MSH4: variants seen among roughly 807,000 people sequenced by gnomAD.
MSH4 encodes the protein mutS homolog 4, also known as mutS protein homolog 4.
In MSH4, 106 loss-of-function variants were observed where a neutral mutation model predicts 113.7. That is an observed-to-expected ratio of 0.93 (90% CI 0.80 to 1.10). The LOEUF is 1.10. MSH4 is among the 50% of genes least tolerant of loss of function. The pLI is 0.00. For synonymous variants in MSH4, 368 were observed against 380.2 expected (o/e 0.97, Z 0.37); for missense variants, 1,061 against 1,093.7 (o/e 0.97, Z 0.42).
At chr1:75,879,655 C>T (rs1357212924) in intron 12 of MSH4, among the ~76,000 whole-genome samples, 5 of 152,000 alleles carry the variant, frequency 3.3e-5, no homozygotes, top group Non-Finnish European at 5.9e-5. Context: ...AGCTTGAGTA[C>T]GATTAGAGAT....
In MSH4 at chr1:75,867,373, A is replaced by G. The variant is rs5745431; in HGVS notation, c.1231-141A>G. The G allele has an allele frequency of 5.8e-3, 3,287 of 562,168 alleles. 41 individuals are homozygous for G. Among genetic ancestry groups the G allele is most frequent in the Admixed American group, 0.043 (1,114 of 25,662 alleles). 34.8% of individuals were successfully genotyped at this position (562,168 alleles called of 1,614,324 possible). A position where few individuals can be genotyped will look rare whatever the true frequency, so the allele number is the denominator to read the frequency against. ...TATGGTGGGTCAATAATTTTGTATC[A>G]TTCTTTAGGCTTGCATTGCGGCTAG... On this transcript the variant is annotated intron_variant, in intron 8 of 19. Coordinates refer to ENST00000263187, the MANE Select transcript of MSH4 (RefSeq NM_002440.4).
intron 8 of MSH4, among the ~76,000 whole-genome samples, chr1:75,851,582 G>T (rs968727839): frequency 6.6e-6 from 1 of 151,864 alleles, no homozygotes; most frequent in Non-Finnish European, 1.5e-5. Flanking sequence ...GCTAACTTTG[G>T]TATTTTTAGT....
intron 7 of MSH4, among the ~76,000 whole-genome samples, chr1:75,829,739 G>A (rs1650640541): frequency 6.6e-6 from 1 of 152,102 alleles, no homozygotes; most frequent in Admixed American, 6.5e-5. Context: ...CTGATAGAAG[G>A]AAAACTAACA....
chr1:75,910,353 A>G (rs1034222041), intron 19 of MSH4, among the ~76,000 whole-genome samples: 8 of 151,752 alleles, frequency 5.3e-5, no homozygotes, highest in African/African-American at 1.9e-4. Context: ...GCTATGTGGA[A>G]TTATTCTCTC....
At chr1:75,898,663 C>T (rs1297663267) in intron 18 of MSH4, among the ~76,000 whole-genome samples, 4 of 151,966 alleles carry the variant, frequency 2.6e-5, no homozygotes, top group Non-Finnish European at 4.4e-5. Context: ...GGACTACAGG[C>T]GTGCACCACC....
rs143080785 is a variant in MSH4, at chr1:75,838,103, C to G, written c.1163-10106C>G. On this transcript the variant is annotated intron_variant, in intron 7 of 19. Transcript: ENST00000263187. ...TTAAAACAACACGAATGTATTATCT[C>G]ACAGTTCTGGAGGTCTGAAATCAGT... 7.1e-4 allele frequency among the ~76,000 whole-genome samples: 108 copies of G among 152,318 alleles called. 1 individual carries two copies. Among genetic ancestry groups the G allele is most frequent in the African/African-American group, 2.4e-3 (101 of 41,564 alleles).
intron 9 of MSH4, among the ~76,000 whole-genome samples, chr1:75,872,015 A>C (rs1651724840): frequency 6.6e-6 from 1 of 152,218 alleles, no homozygotes; most frequent in Non-Finnish European, 1.5e-5. Flanking sequence ...TTTAAGTACC[A>C]ATGTGATGTC....
intron 1 of MSH4, among the ~76,000 whole-genome samples, chr1:75,801,148 C>T (rs934661506): frequency 2.0e-5 from 3 of 152,132 alleles, no homozygotes; most frequent in East Asian, 3.9e-4. Context: ...GAAACATAGC[C>T]ATTCTCATTT....
chr1:75,895,239 GGA>G (rs1652345769), intron 17 of MSH4, among the ~76,000 whole-genome samples: 1 of 152,100 alleles, frequency 6.6e-6, no homozygotes, highest in Non-Finnish European at 1.5e-5. Flanking sequence ...AAGGGAAATT[GGA>G]CTACTACTCC....
chr1:75,862,915 G>C (rs1483688672), intron 8 of MSH4, among the ~76,000 whole-genome samples: 1 of 152,012 alleles, frequency 6.6e-6, no homozygotes, highest in South Asian at 2.1e-4. Context: ...TAAAAATAAA[G>C]CTTAAATTTC....
chr1:75,885,051 G>GTATATATATATATATATATATATATATA (rs1217705221), intron 15 of MSH4, among the ~76,000 whole-genome samples: 1 of 113,350 alleles, frequency 8.8e-6, no homozygotes, highest in African/African-American at 4.2e-5. Context: ...GTGTGTGTGT[G>GTATATATATATATATATATATATATATA]TGTGTGTGTA....
intron 7 of MSH4, among the ~76,000 whole-genome samples, chr1:75,845,170 C>T (rs1479486995): frequency 1.3e-5 from 2 of 152,210 alleles, no homozygotes; most frequent in Non-Finnish European, 2.9e-5. Flanking sequence ...TTTGGGGACA[C>T]ATTCAAACCA....
At chr1:75,841,817 T>C (rs975640587) in intron 7 of MSH4, among the ~76,000 whole-genome samples, 1 of 152,174 alleles carries the variant, frequency 6.6e-6, no homozygotes, top group Non-Finnish European at 1.5e-5. Flanking sequence ...TAGAATCACA[T>C]GTAAAATGTC....
intron 19 of MSH4, among the ~76,000 whole-genome samples, chr1:75,905,055 G>A (rs1232620582): frequency 6.6e-6 from 1 of 150,558 alleles, no homozygotes; most frequent in Admixed American, 6.6e-5. Flanking sequence ...TTTCTGCTTT[G>A]ATCTCTATTA....
intron 7 of MSH4, among the ~76,000 whole-genome samples, chr1:75,833,967 C>T (rs1178761672): frequency 6.6e-6 from 1 of 152,112 alleles, no homozygotes. Context: ...TTCTGCACAG[C>T]AAAAGAAACT....
intron 8 of MSH4, among the ~76,000 whole-genome samples, chr1:75,854,103 C>T (rs1046057819): frequency 6.7e-6 from 1 of 148,692 alleles, no homozygotes; most frequent in South Asian, 2.2e-4. Context: ...TACGTTCATA[C>T]CAATACTTCC....
In MSH4 at chr1:75,827,485, C is replaced by T. The variant is rs539787372; in HGVS notation, c.1162+4904C>T. Among the ~76,000 whole-genome samples the T allele has an allele frequency of 3.3e-5, 5 of 152,052 alleles. No individual in the cohort carries two copies. The East Asian group carries it at 9.7e-4, about 29-fold the overall frequency. On this transcript the variant is annotated intron_variant, in intron 7 of 19. Transcript: ENST00000263187. ...ATGATAGGATCAAATTCACACATAA[C>T]AATATTAACCTTAAATGTAAATGGG...
intron 7 of MSH4, among the ~76,000 whole-genome samples, chr1:75,825,816 A>G (rs922193296): frequency 2.0e-5 from 3 of 152,176 alleles, no homozygotes; most frequent in Admixed American, 6.5e-5. Context: ...GATAAAGCCA[A>G]CTTGATTGTG....
intron 17 of MSH4, among the ~76,000 whole-genome samples, chr1:75,892,444 CTT>C (rs565413386): frequency 2.6e-5 from 4 of 151,994 alleles, no homozygotes; most frequent in Non-Finnish European, 5.9e-5. Context: ...TATTGGTCCT[CTT>C]TCTCTGGAGA....
Sources: allele counts gnomAD v4.1 joint callset (sites outside exome capture counted in the v4.1 genomes callset), GRCh38; gene constraint gnomAD v4.1.1; transcripts MANE v1.5; gene names NCBI Gene and HGNC (gene_info 2026-07-23, HGNC 2026-07-21).